Variants in PTPRT observed in about 807,000 individuals in gnomAD.
The protein encoded by PTPRT is receptor-type tyrosine-protein phosphatase T.
Under a neutral mutation model 176.8 loss-of-function variants are expected in PTPRT, and 56 were observed. That is an observed-to-expected ratio of 0.32 (90% CI 0.26 to 0.40). PTPRT has a LOEUF of 0.40. Ranked by LOEUF, PTPRT falls within the 10% of genes least tolerant of loss-of-function variation. The pLI is 1.00. For synonymous variants in PTPRT, 783 were observed against 739.0 expected (o/e 1.06, Z -0.96); for missense variants, 1,540 against 1,908.2 (o/e 0.81, Z 3.60).
chr20:42,047,107 G>A, the PTPRT span, among the ~76,000 whole-genome samples: 2 of 152,180 alleles, frequency 1.3e-5, no homozygotes, highest in African/African-American at 4.8e-5. Context: ...CAAGTAACTT[G>A]TTGGGGGTTA....
intron 7 of PTPRT, among the ~76,000 whole-genome samples, chr20:42,616,451 G>A (rs2074080584): frequency 7.9e-6 from 1 of 126,084 alleles, no homozygotes; most frequent in East Asian, 2.0e-4. Flanking sequence ...GAACTTTAAA[G>A]TAGTTTTTTC....
chr20:42,859,573 AT>A (rs550761003), intron 2 of PTPRT, among the ~76,000 whole-genome samples: 3,793 of 132,730 alleles, frequency 0.029, 116 homozygotes, highest in East Asian at 0.16. Context: ...CAGTTTGTTT[AT>A]TTTTTTTTTT....
intron 6 of PTPRT, among the ~76,000 whole-genome samples, chr20:42,712,373 A>G (rs1443411375): frequency 6.6e-6 from 1 of 152,146 alleles, no homozygotes; most frequent in Non-Finnish European, 1.5e-5. Flanking sequence ...CCAAAAAAGA[A>G]GCCCCTACTG....
chr20:42,571,066 A>AT (rs1215736805), intron 7 of PTPRT, among the ~76,000 whole-genome samples: 1 of 152,204 alleles, frequency 6.6e-6, no homozygotes, highest in Non-Finnish European at 1.5e-5. Flanking sequence ...ATGTGCTGCC[A>AT]TTAAAATGCT....
chr20:42,497,453 T>TTTGG (rs1225404518), intron 7 of PTPRT, among the ~76,000 whole-genome samples: 1 of 152,104 alleles, frequency 6.6e-6, no homozygotes, highest in Non-Finnish European at 1.5e-5. Context: ...CTTGATTTTT[T>TTTGG]TTGGTTTGTT....
At chr20:43,075,001 C>A (rs571121776) in intron 1 of PTPRT, among the ~76,000 whole-genome samples, 15 of 152,328 alleles carry the variant, frequency 9.8e-5, no homozygotes, top group Admixed American at 7.8e-4. Context: ...AGAGCTTTTG[C>A]ATAGGCTCAT....
At chr20:42,880,265 C>T (rs537055262) in intron 2 of PTPRT, among the ~76,000 whole-genome samples, 2 of 152,236 alleles carry the variant, frequency 1.3e-5, no homozygotes, top group South Asian at 2.1e-4. Context: ...CCCCAGGAAA[C>T]TCATAGAACC....
rs570677084 is a variant in PTPRT, at chr20:42,157,458, G to A, written c.2682+3894C>T. Among the ~76,000 whole-genome samples, 18 of 151,076 alleles carry A rather than the reference G, an allele frequency of 1.2e-4. No homozygotes were observed. The East Asian group carries it at 3.3e-3, about 28-fold the overall frequency. ...CCTCCTGGGTTCAAGTGATTCTCCT[G>A]CCTCAGCCTCCAGAGTACCTAGGGT... is the stretch of plus-strand genomic sequence containing the variant. On this transcript the variant is annotated intron_variant, in intron 17 of 30. Coordinates refer to ENST00000373187, the MANE Select transcript of PTPRT (RefSeq NM_007050.6).
chr20:42,232,737 C>T (rs566316341), intron 15 of PTPRT, among the ~76,000 whole-genome samples: 1 of 150,866 alleles, frequency 6.6e-6, no homozygotes, highest in South Asian at 2.1e-4. Flanking sequence ...GCCCAGGCTC[C>T]TCCACTATAA....
chr20:42,106,719 T>C, intron 24 of PTPRT, 67 bp downstream of exon 24: 1 of 1,568,782 alleles, frequency 6.4e-7, no homozygotes, highest in Non-Finnish European at 8.7e-7. Flanking sequence ...GTCTCTCCGT[T>C]CTATCATCAT....
chr20:42,325,032 T>C (rs988441865), intron 11 of PTPRT, among the ~76,000 whole-genome samples: 1 of 152,184 alleles, frequency 6.6e-6, no homozygotes. Context: ...AAAGTAAACA[T>C]AGCAGGTTCA....
intron 13 of PTPRT, among the ~76,000 whole-genome samples, chr20:42,280,954 A>G (rs1346858879): frequency 2.0e-5 from 3 of 152,080 alleles, no homozygotes; most frequent in Non-Finnish European, 4.4e-5. Context: ...CACCTACCCC[A>G]TGGAGTGCAA....
chr20:42,921,681 A>C, intron 1 of PTPRT, among the ~76,000 whole-genome samples: 1 of 152,204 alleles, frequency 6.6e-6, no homozygotes, highest in East Asian at 1.9e-4. Context: ...AGAACGAGAC[A>C]AAAGGGGAAG....
At chr20:42,149,667 G>T (rs1353583815) in intron 17 of PTPRT, among the ~76,000 whole-genome samples, 3 of 152,064 alleles carry the variant, frequency 2.0e-5, no homozygotes, top group African/African-American at 4.8e-5. Context: ...CAGGTAATCT[G>T]CCTGCCTTGG....
chr20:43,039,281 C>T (rs569378071), intron 1 of PTPRT, among the ~76,000 whole-genome samples: 1 of 152,058 alleles, frequency 6.6e-6, no homozygotes, highest in East Asian at 1.9e-4. Context: ...GGTTGCATGT[C>T]CTGTAAGTAG....
intron 6 of PTPRT, among the ~76,000 whole-genome samples, chr20:42,680,119 G>C (rs1273476224): frequency 6.6e-6 from 1 of 152,158 alleles, no homozygotes; most frequent in Admixed American, 6.5e-5. Context: ...TTGGAACTCA[G>C]GTAAGGGCTT....
Position 42,481,617 on chromosome 20 carries a change from T to A in PTPRT, c.1154-9055A>T, listed in dbSNP as rs139447198. Among the ~76,000 whole-genome samples, 12 of 152,126 alleles carry A rather than the reference T, an allele frequency of 7.9e-5. No individual in the cohort carries two copies. In the East Asian group the frequency reaches 1.9e-3, roughly 25 times the overall value. ...GGAAAATAGGCGTGTACTCATCACA[T>A]CTGGTTAGTTTTTTTTAATTTTTTT... On this transcript the variant is annotated intron_variant, in intron 7 of 30. Transcript: ENST00000373187.
intron 13 of PTPRT, among the ~76,000 whole-genome samples, chr20:42,282,107 T>C (rs2147055123): frequency 6.6e-6 from 1 of 152,226 alleles, no homozygotes; most frequent in African/African-American, 2.4e-5. Context: ...AGTACAGAAC[T>C]CAGTAGATGG....
chr20:42,691,005 G>T (rs1038956805), intron 6 of PTPRT, among the ~76,000 whole-genome samples: 35 of 152,066 alleles, frequency 2.3e-4, no homozygotes, highest in African/African-American at 8.0e-4. Flanking sequence ...GCCTTCTCCT[G>T]TAATGGGCCA....
Sources: allele counts gnomAD v4.1 joint callset (sites outside exome capture counted in the v4.1 genomes callset), GRCh38; gene constraint gnomAD v4.1.1; transcripts MANE v1.5; gene names NCBI Gene and HGNC (gene_info 2026-07-23, HGNC 2026-07-21).